ZMYM2: variants seen among roughly 807,000 people sequenced by gnomAD.
The protein encoded by ZMYM2 is zinc finger MYM-type protein 2.
ZMYM2 carries 56 observed loss-of-function variants against 162.8 expected under a neutral mutation model. The observed-to-expected ratio is 0.34, with a 90% CI of 0.28 to 0.43. The LOEUF (loss-of-function observed/expected upper bound fraction) is 0.43. ZMYM2 is among the 20% of genes least tolerant of loss of function. ZMYM2 has a pLI of 1.00. For synonymous variants in ZMYM2, 510 were observed against 541.6 expected (o/e 0.94, Z 0.81); for missense variants, 1,275 against 1,621.8 (o/e 0.79, Z 3.67).
At chr13:19,905,447 G>A in the ZMYM2 span, among the ~76,000 whole-genome samples, 3 of 152,140 alleles carry the variant, frequency 2.0e-5, no homozygotes, top group African/African-American at 7.2e-5. Context: ...TGCCTTGTAT[G>A]TGGAAACCAA....
the ZMYM2 span, among the ~76,000 whole-genome samples, chr13:19,885,417 G>T: frequency 6.6e-6 from 1 of 152,166 alleles, no homozygotes; most frequent in African/African-American, 2.4e-5. Context: ...CTGAAGATTG[G>T]TTCTAGTGTG....
chr13:19,975,289 C>T (rs895825790), intron 2 of ZMYM2, among the ~76,000 whole-genome samples: 1 of 151,976 alleles, frequency 6.6e-6, no homozygotes, highest in Non-Finnish European at 1.5e-5. Flanking sequence ...CAACATTATC[C>T]ATTGCCAGAA....
rs766574183 is a variant in ZMYM2 at position 20,046,564 on chromosome 13, A to AAATAT, written c.2293-4868_2293-4867insATATA. On this transcript the variant is annotated intron_variant, in intron 12 of 24. Transcript: ENST00000610343. ...GTAAGACTTTGTCTCTAAAAAAAAAAATATATATATATATATATGTGTGTG... is the reference window on the plus strand; with the variant it reads ...GTAAGACTTTGTCTCTAAAAAAAAAAAATATATATATATATATATATATGTGTGTG... Among the ~76,000 whole-genome samples, 694 of 103,824 alleles carry AAATAT rather than the reference A, an allele frequency of 6.7e-3. 11 individuals are homozygous for AAATAT. The highest frequency in any genetic ancestry group is 9.3e-3 in the Middle Eastern group (2 of 216). The allele number at this position is 103,824 out of a possible 152,430, so 68.1% of individuals were successfully genotyped here.
the ZMYM2 span, among the ~76,000 whole-genome samples, chr13:19,885,932 TACACATATATATGTATATACAC>T: frequency 4.6e-5 from 1 of 21,520 alleles, no homozygotes; most frequent in African/African-American, 1.1e-4. Flanking sequence ...TATATGTGTA[TACACATATATATGTATATACAC>T]ATATATATGT....
chr13:19,919,562 T>C, the ZMYM2 span, among the ~76,000 whole-genome samples: 2 of 152,182 alleles, frequency 1.3e-5, no homozygotes, highest in African/African-American at 4.8e-5. Context: ...TGATATCTCA[T>C]TGTGGTTTTA....
intron 21 of ZMYM2, among the ~76,000 whole-genome samples, chr13:20,076,921 C>T (rs910200541): frequency 4.7e-5 from 7 of 150,168 alleles, no homozygotes; most frequent in Non-Finnish European, 8.8e-5. Flanking sequence ...ACCGCATCTC[C>T]GCCTCCCAGG....
At chr13:19,903,677 C>T in the ZMYM2 span, among the ~76,000 whole-genome samples, 7 of 151,284 alleles carry the variant, frequency 4.6e-5, no homozygotes, top group African/African-American at 1.2e-4. Context: ...CAAGACTAGC[C>T]GGGCAACATG....
chr13:20,083,884 C>T (rs1958067000), intron 24 of ZMYM2, 108 bp downstream of exon 24: 1 of 1,163,592 alleles, frequency 8.6e-7, no homozygotes, highest in Non-Finnish European at 1.2e-6. Flanking sequence ...TCTCAGATTT[C>T]TTCTCTCTCA....
In ZMYM2 at chr13:20,028,953, C is replaced by T. The variant is rs188874833; in HGVS notation, c.1851+1635C>T. On this transcript the variant is annotated intron_variant, in intron 9 of 24. Coordinates refer to ENST00000610343, the MANE Select transcript of ZMYM2 (RefSeq NM_197968.4). The stretch of plus-strand genomic sequence containing the variant: ...TTCATCTCTCTGCATATAAATAATA[C>T]AAAATTGACAGAAAAGCAACATTTT... Among the ~76,000 whole-genome samples, 5 of 152,116 alleles carry T rather than the reference C, an allele frequency of 3.3e-5. No individual in the cohort carries two copies. The East Asian group carries it at 9.6e-4, about 29-fold the overall frequency.
intron 6 of ZMYM2, among the ~76,000 whole-genome samples, chr13:20,015,046 C>T (rs1951509170): frequency 6.6e-6 from 1 of 152,046 alleles, no homozygotes; most frequent in Non-Finnish European, 1.5e-5. Flanking sequence ...TAGGTGTGAG[C>T]CACCGTGCCT....
chr13:20,019,666 CT>C (rs747833037), intron 7 of ZMYM2, 48 bp downstream of exon 7: 2 of 1,466,768 alleles, frequency 1.4e-6, no homozygotes, highest in Non-Finnish European at 9.3e-7. Flanking sequence ...TTTTTGAGCA[CT>C]GCTACTACTG....
chr13:19,986,265 G>T (rs1207054765), intron 2 of ZMYM2, among the ~76,000 whole-genome samples: 1 of 151,726 alleles, frequency 6.6e-6, no homozygotes, highest in East Asian at 1.9e-4. Context: ...GCTTAACCTA[G>T]CACACACCTA....
intron 3 of ZMYM2, among the ~76,000 whole-genome samples, chr13:19,995,045 G>C (rs1475939179): frequency 6.6e-6 from 1 of 150,726 alleles, no homozygotes; most frequent in African/African-American, 2.4e-5. Flanking sequence ...GAGTCTTACT[G>C]TGTTGCCCAG....
rs567611364 is a variant in ZMYM2, at chr13:20,088,153, G to A, written c.*2139G>A. On this transcript the variant is annotated 3_prime_UTR_variant, in exon 25 of 25. Coordinates refer to ENST00000610343, the MANE Select transcript of ZMYM2 (RefSeq NM_197968.4). ...ATAATTTTGATCTTGACATGATTGA[G>A]GATTTAGAGCTCTTGTCTTTGTCTT... The A allele has an allele frequency of 7.3e-5, 15 of 204,600 alleles. No homozygotes were observed. The highest frequency in any genetic ancestry group is 3.2e-4 in the African/African-American group (14 of 43,918). The allele number at this position is 204,600 out of a possible 1,614,324, so 12.7% of individuals were successfully genotyped here.
intron 6 of ZMYM2, among the ~76,000 whole-genome samples, chr13:20,010,190 G>A (rs774648002): frequency 1.5e-4 from 23 of 151,888 alleles, no homozygotes; most frequent in Non-Finnish European, 8.8e-5. Context: ...ATTTTTCTTT[G>A]TTGTTGTTGT....
chr13:20,082,198 TG>T, intron 22 of ZMYM2, 68 bp downstream of exon 22: 2 of 1,156,396 alleles, frequency 1.7e-6, no homozygotes, highest in South Asian at 3.1e-5. Flanking sequence ...AGAGTATGTT[TG>T]AAAATATTAT....
upstream of ZMYM2, among the ~76,000 whole-genome samples, chr13:19,958,420 C>T (rs1351371928): frequency 4.1e-5 from 6 of 148,126 alleles, no homozygotes; most frequent in Non-Finnish European, 6.0e-5. Context: ...TTCGGTACGG[C>T]GGGCAGCGAA....
intron 2 of ZMYM2, among the ~76,000 whole-genome samples, chr13:19,992,756 A>G (rs1949725369): frequency 6.6e-6 from 1 of 151,678 alleles, no homozygotes; most frequent in Admixed American, 6.6e-5. Context: ...TAAATAGTGT[A>G]CCCCTGAAAG....
the ZMYM2 span, among the ~76,000 whole-genome samples, chr13:19,936,441 G>A: frequency 2.0e-5 from 3 of 152,276 alleles, no homozygotes; most frequent in Admixed American, 6.5e-5. Context: ...AAGAGAACAG[G>A]CCGGGCATGG....
Sources: allele counts gnomAD v4.1 joint callset (sites outside exome capture counted in the v4.1 genomes callset), GRCh38; gene constraint gnomAD v4.1.1; transcripts MANE v1.5; gene names NCBI Gene and HGNC (gene_info 2026-07-23, HGNC 2026-07-21).